The following ELF2 variants were observed in gnomAD, a reference collection of about 807,000 sequenced individuals.
ELF2 encodes the protein ETS-related transcription factor Elf-2.
Under a neutral mutation model 54.8 loss-of-function variants are expected in ELF2, and 11 were observed. That is an observed-to-expected ratio of 0.20 (90% confidence interval 0.13 to 0.33). ELF2 has a LOEUF of 0.33. Ranked by LOEUF, ELF2 falls within the 10% of genes least tolerant of loss-of-function variation. The pLI is 1.00. For missense variants in ELF2, 513 were observed against 703.0 expected (o/e 0.73, Z 3.06); for synonymous variants, 203 against 245.1 (o/e 0.83, Z 1.61).
chr4:139,085,417 TAAC>T (rs535105606), intron 4 of ELF2, among the ~76,000 whole-genome samples: 85 of 152,310 alleles, frequency 5.6e-4, no homozygotes, highest in African/African-American at 1.9e-3. Flanking sequence ...AAATTTAAAA[TAAC>T]AAGGTGACAA....
At chr4:139,061,754 TC>T in intron 8 of ELF2, 110 bp downstream of exon 8, 4 of 1,252,576 alleles carry the variant, frequency 3.2e-6, no homozygotes, top group Non-Finnish European at 4.4e-6. Flanking sequence ...CTCTAGAATA[TC>T]CCCCAAAGTT....
intron 4 of ELF2, among the ~76,000 whole-genome samples, chr4:139,077,086 C>T (rs1480410863): frequency 1.3e-5 from 2 of 152,114 alleles, no homozygotes; most frequent in Non-Finnish European, 2.9e-5. Flanking sequence ...ATAAACCTGA[C>T]ACAAGTGTGA....
chr4:139,097,638 GA>G (rs1157843600), intron 4 of ELF2, among the ~76,000 whole-genome samples: 33 of 146,034 alleles, frequency 2.3e-4, no homozygotes, highest in South Asian at 1.1e-3. Flanking sequence ...AAAAAGTAAA[GA>G]AAAAAAAATA....
intron 1 of ELF2, among the ~76,000 whole-genome samples, chr4:139,162,527 T>A (rs1741282044): frequency 1.3e-5 from 2 of 152,098 alleles, no homozygotes; most frequent in Non-Finnish European, 2.9e-5. Flanking sequence ...CAAGACTCCG[T>A]CTCAGAAATA....
intron 4 of ELF2, among the ~76,000 whole-genome samples, chr4:139,081,489 C>G (rs1018095893): frequency 1.3e-5 from 2 of 152,124 alleles, no homozygotes; most frequent in Admixed American, 1.3e-4. Flanking sequence ...TCATTCTACA[C>G]TAATCATCAA....
At chr4:139,104,508 C>CAA (rs34642901) in intron 4 of ELF2, among the ~76,000 whole-genome samples, 1,091 of 76,602 alleles carry the variant, frequency 0.014, 27 homozygotes, top group African/African-American at 0.047. Flanking sequence ...GACTCTGTCT[C>CAA]AAAAAAAAAA....
rs1743024885 is a variant in ELF2, at chr4:139,177,002, C to T, written c.-287G>A. The T allele has an allele frequency of 6.6e-6, 1 of 152,242 alleles. No individual in the cohort carries two copies. Among genetic ancestry groups the T allele is most frequent in the Admixed American group, 6.5e-5 (1 of 15,280 alleles). The allele number at this position is 152,242 out of a possible 1,614,324, so 9.4% of individuals were successfully genotyped here. ...CGACGCCTGGGAAGACCGCGGCGTC[C>T]TTTTCCCTCTCAGCAGGGCCGCGGA... is the stretch of plus-strand genomic sequence containing the variant. On this transcript the variant is annotated 5_prime_UTR_variant, in exon 1 of 10. Coordinates refer to ENST00000686138, the MANE Select transcript of ELF2 (RefSeq NM_001331036.3).
intron 4 of ELF2, among the ~76,000 whole-genome samples, chr4:139,083,099 T>C (rs1396979403): frequency 6.6e-6 from 1 of 151,572 alleles, no homozygotes; most frequent in African/African-American, 2.4e-5. Flanking sequence ...TTGGAACACC[T>C]CAGAGAGCAG....
intron 4 of ELF2, among the ~76,000 whole-genome samples, chr4:139,089,548 G>A (rs1217145746): frequency 1.3e-5 from 2 of 152,122 alleles, no homozygotes; most frequent in Non-Finnish European, 2.9e-5. Flanking sequence ...ATACGTATGT[G>A]TTTGTGTATG....
intron 4 of ELF2, among the ~76,000 whole-genome samples, chr4:139,112,694 T>G (rs1026582075): frequency 3.9e-5 from 6 of 152,206 alleles, no homozygotes; most frequent in African/African-American, 1.4e-4. Context: ...CACTGTTGTA[T>G]AGCAAAAATT....
At chr4:139,113,532 G>A (rs1474688650) in intron 4 of ELF2, among the ~76,000 whole-genome samples, 3 of 152,034 alleles carry the variant, frequency 2.0e-5, no homozygotes, top group Non-Finnish European at 4.4e-5. Context: ...CTGCACTCCA[G>A]TCTTGGTGAC....
In ELF2 at chr4:139,137,738, A is replaced by G. The variant is rs1447670785; in HGVS notation, c.-37T>C. ...GAGGAAGCTTCAAACGCTATTAATC[A>G]ATGAAATTAAAGGTTCACTGATGGT... is the stretch of plus-strand genomic sequence containing the variant. On this transcript the variant is annotated 5_prime_UTR_variant, in exon 3 of 10. Transcript: ENST00000686138. 1 of 1,610,876 alleles carries G rather than the reference A, an allele frequency of 6.2e-7. No individual in the cohort carries two copies. The highest frequency in any genetic ancestry group is 8.5e-7 in the Non-Finnish European group (1 of 1,179,040).
intron 4 of ELF2, chr4:139,084,034 T>C: frequency 1.3e-6 from 2 of 1,587,638 alleles, no homozygotes; most frequent in Non-Finnish European, 1.7e-6. Context: ...GTGGACACTG[T>C]ACCCCCAGCA....
At chr4:139,111,447 T>C (rs1734935678) in intron 4 of ELF2, among the ~76,000 whole-genome samples, 1 of 151,672 alleles carries the variant, frequency 6.6e-6, no homozygotes, top group African/African-American at 2.4e-5. Flanking sequence ...CTCCTGGGAC[T>C]GCAAGGAGTA....
intron 1 of ELF2, among the ~76,000 whole-genome samples, chr4:139,176,621 G>T (rs77661253): frequency 2.0e-5 from 3 of 152,080 alleles, no homozygotes; most frequent in East Asian, 3.9e-4. Flanking sequence ...ATGTAAACAC[G>T]GAGAGACCAG....
intron 4 of ELF2, among the ~76,000 whole-genome samples, chr4:139,118,567 A>T (rs1735986386): frequency 6.6e-6 from 1 of 152,208 alleles, no homozygotes; most frequent in Non-Finnish European, 1.5e-5. Flanking sequence ...TTGACAGAAG[A>T]GTGGCCACCG....
chr4:139,173,404 C>T (rs997788587), intron 1 of ELF2, among the ~76,000 whole-genome samples: 3 of 152,062 alleles, frequency 2.0e-5, no homozygotes, highest in African/African-American at 7.2e-5. Flanking sequence ...TGTCCATCAA[C>T]TGATGCACAG....
chr4:139,145,856 A>C (rs1443378204), intron 1 of ELF2, among the ~76,000 whole-genome samples: 1 of 152,168 alleles, frequency 6.6e-6, no homozygotes, highest in African/African-American at 2.4e-5. Flanking sequence ...TGATAAAAAC[A>C]CCCAAAAAAC....
At chr4:139,164,119 GGAGA>G (rs1335814847) in intron 1 of ELF2, among the ~76,000 whole-genome samples, 4 of 146,002 alleles carry the variant, frequency 2.7e-5, no homozygotes, top group South Asian at 2.2e-4. Context: ...AGGGAGGAAG[GGAGA>G]GAGAGAAAGA....
Sources: allele counts gnomAD v4.1 joint callset (sites outside exome capture counted in the v4.1 genomes callset), GRCh38; gene constraint gnomAD v4.1.1; transcripts MANE v1.5; gene names NCBI Gene and HGNC (gene_info 2026-07-23, HGNC 2026-07-21).